The following SH3KBP1 variants were observed in gnomAD, a reference collection of about 807,000 sequenced individuals.
SH3KBP1 encodes the protein SH3 domain containing kinase binding protein 1, also known as SH3 domain-containing kinase-binding protein 1.
A neutral mutation model predicts 50.1 loss-of-function variants in SH3KBP1; 8 were observed. That is an observed-to-expected ratio of 0.16 (90% CI 0.09 to 0.29). The LOEUF (loss-of-function observed/expected upper bound fraction) is 0.29. Among genes scored for constraint, SH3KBP1 ranks in the 10% least tolerant of loss-of-function variants. SH3KBP1 has a pLI of 1.00. For missense variants in SH3KBP1, 377 were observed against 535.2 expected (o/e 0.70, Z 2.92); for synonymous variants, 227 against 218.6 (o/e 1.04, Z -0.34).
At chrX:19,722,486 C>G (rs964329307) in intron 3 of SH3KBP1, among the ~76,000 whole-genome samples, 1 of 111,087 alleles carries the variant, frequency 9.0e-6, no homozygotes, top group Admixed American at 9.5e-5. Flanking sequence ...TGTACCCACA[C>G]GGCTTCATAC....
At chrX:19,569,455 A>C (rs1334092274) in intron 12 of SH3KBP1, among the ~76,000 whole-genome samples, 1 of 112,425 alleles carries the variant, frequency 8.9e-6, no homozygotes, top group Non-Finnish European at 1.9e-5. Flanking sequence ...TTCCAGCCAC[A>C]AACCCTCCTG....
At chrX:19,735,775 G>A (rs1411945277) in intron 3 of SH3KBP1, among the ~76,000 whole-genome samples, 1 of 103,445 alleles carries the variant, frequency 9.7e-6, no homozygotes, top group Non-Finnish European at 2.0e-5. Context: ...CCAGGCTGGA[G>A]TGCAGCGGCG....
chrX:19,658,102 A>G (rs1451850996), intron 6 of SH3KBP1, among the ~76,000 whole-genome samples: 1 of 111,892 alleles, frequency 8.9e-6, no homozygotes, highest in Admixed American at 9.5e-5. Flanking sequence ...CTTTTCCTGT[A>G]AGCCTCTCTC....
intron 14 of SH3KBP1, among the ~76,000 whole-genome samples, chrX:19,549,564 G>A (rs1168881393): frequency 1.8e-5 from 2 of 111,389 alleles, no homozygotes; most frequent in African/African-American, 6.5e-5. Context: ...AGAAAGGTTC[G>A]GCTGCTGCCT....
At chrX:19,872,539 A>C (rs2069079834) in intron 1 of SH3KBP1, among the ~76,000 whole-genome samples, 1 of 109,859 alleles carries the variant, frequency 9.1e-6, no homozygotes, top group Admixed American at 9.7e-5. Flanking sequence ...TGGGAGGCCG[A>C]GGCGGGCGGA....
At chrX:19,727,847 G>A (rs1396347591) in intron 3 of SH3KBP1, among the ~76,000 whole-genome samples, 1 of 111,378 alleles carries the variant, frequency 9.0e-6, no homozygotes, top group Non-Finnish European at 1.9e-5. Context: ...TGCTGGGCGC[G>A]GTGGAACGTG....
chrX:19,717,860 G>A (rs2063951237), intron 3 of SH3KBP1, among the ~76,000 whole-genome samples: 1 of 111,391 alleles, frequency 9.0e-6, no homozygotes, highest in South Asian at 3.7e-4. Context: ...ACGTATGTTT[G>A]ATTTTATATT....
At chrX:19,541,839 G>C in intron 16 of SH3KBP1, 86 bp downstream of exon 16, 3 of 1,093,796 alleles carry the variant, frequency 2.7e-6, no homozygotes, top group Non-Finnish European at 3.7e-6. Context: ...CTCCAAGGCA[G>C]GCTGGGATCC....
At chrX:19,578,874 G>A (rs1218169373) in intron 12 of SH3KBP1, among the ~76,000 whole-genome samples, 1 of 111,647 alleles carries the variant, frequency 9.0e-6, no homozygotes, top group Non-Finnish European at 1.9e-5. Flanking sequence ...CTCCTCAGAT[G>A]GAGGGCAGGA....
chrX:19,682,285 T>C (rs1889812124), intron 6 of SH3KBP1, among the ~76,000 whole-genome samples: 1 of 109,275 alleles, frequency 9.2e-6, no homozygotes, highest in African/African-American at 3.4e-5. Flanking sequence ...AGTAACTCAA[T>C]TTATTATTGG....
At chrX:19,840,915 T>C (rs1243687603) in intron 1 of SH3KBP1, among the ~76,000 whole-genome samples, 1 of 112,109 alleles carries the variant, frequency 8.9e-6, no homozygotes, top group African/African-American at 3.2e-5. Flanking sequence ...CTCCACAAGT[T>C]TGCTACATCT....
chrX:19,621,224 G>A (rs1326207065), intron 8 of SH3KBP1, among the ~76,000 whole-genome samples: 1 of 100,048 alleles, frequency 1.0e-5, no homozygotes, highest in South Asian at 4.9e-4. Context: ...ACAGGTGCCC[G>A]CCACCACACC....
chrX:19,835,300 A>C (rs2068029950), intron 2 of SH3KBP1, among the ~76,000 whole-genome samples: 1 of 110,224 alleles, frequency 9.1e-6, no homozygotes, highest in Non-Finnish European at 1.9e-5. Context: ...TGCCTGGCTA[A>C]TTATTTTATT....
At chrX:19,779,128 T>C (rs1032689746) in intron 2 of SH3KBP1, among the ~76,000 whole-genome samples, 1 of 108,307 alleles carries the variant, frequency 9.2e-6, no homozygotes, top group African/African-American at 3.4e-5. Context: ...AAACCCTGTC[T>C]CTATAAAGAA....
chrX:19,536,513 T>C (rs1201082576), intron 17 of SH3KBP1, 55 bp from the exon 18 acceptor site: 8 of 809,994 alleles, frequency 9.9e-6, no homozygotes, highest in East Asian at 3.3e-5. Flanking sequence ...GCTGGTTTTA[T>C]AGAAGCTGAA....
At chrX:19,740,739 T>C (rs1007566358) in intron 3 of SH3KBP1, 2 of 319,544 alleles carry the variant, frequency 6.3e-6, no homozygotes, top group Non-Finnish European at 1.3e-5. Flanking sequence ...AGGTTGACAT[T>C]TTCTTTACTA....
chrX:19,714,145 A>T (rs761347164), intron 3 of SH3KBP1, among the ~76,000 whole-genome samples: 23 of 111,884 alleles, frequency 2.1e-4, no homozygotes, highest in African/African-American at 7.5e-4. Flanking sequence ...AAACAATTGA[A>T]CCCAATGGAC....
chrX:19,660,460 G>A (rs1194207314), intron 6 of SH3KBP1, among the ~76,000 whole-genome samples: 1 of 111,732 alleles, frequency 8.9e-6, no homozygotes, highest in African/African-American at 3.3e-5. Flanking sequence ...AGACATGCTG[G>A]GAGGAAAGCG....
chrX:19,837,509 C>G (rs775631628), intron 1 of SH3KBP1, among the ~76,000 whole-genome samples: 53 of 95,741 alleles, frequency 5.5e-4, no homozygotes, highest in African/African-American at 1.9e-3. Context: ...CACTCTGTCA[C>G]CCAGGCTGGA....
Sources: allele counts gnomAD v4.1 joint callset (sites outside exome capture counted in the v4.1 genomes callset), GRCh38; gene constraint gnomAD v4.1.1; transcripts MANE v1.5; gene names NCBI Gene and HGNC (gene_info 2026-07-23, HGNC 2026-07-21).